OTOA: variants seen among roughly 807,000 people sequenced by gnomAD.
OTOA encodes otoancorin, also known as cancer/testis antigen 108.
In OTOA, 70 loss-of-function variants were observed where a neutral mutation model predicts 110.8. The ratio of observed to expected loss-of-function variants is 0.63; its 90% confidence interval spans 0.52 to 0.77. OTOA has a LOEUF of 0.77. Ranked by LOEUF, OTOA falls within the 30% of genes least tolerant of loss-of-function variation. OTOA has a pLI of 0.00. For missense variants in OTOA, 917 were observed against 1,075.8 expected (o/e 0.85, Z 2.06); for synonymous variants, 373 against 431.5 (o/e 0.86, Z 1.68).
intron 17 of OTOA, chr16:21,721,315 T>A (rs138612516): frequency 2.2e-4 from 100 of 454,568 alleles, no homozygotes; most frequent in African/African-American, 1.9e-3. Flanking sequence ...TTTCCCCAAA[T>A]TTTCCCCAGA....
Position 21,679,183 on chromosome 16 carries a change from G to A in OTOA, c.152-1G>A. On this transcript the variant is annotated splice_acceptor_variant, in intron 4 of 28. Coordinates refer to ENST00000646100, the MANE Select transcript of OTOA (RefSeq NM_144672.4). LOFTEE classifies it high-confidence loss of function. ...GTCTTTTCATTTTACTCCCATTGTA[G>A]CACTGCTGGATCTCATACAGTTTCA... The A allele has an allele frequency of 6.2e-7, 1 of 1,613,768 alleles. No homozygotes were observed. The highest frequency in any genetic ancestry group is 8.5e-7 in the Non-Finnish European group (1 of 1,179,906).
chr16:21,697,755 C>G lies in OTOA; in HGVS notation c.740-20C>G, dbSNP rs373381965. The G allele has an allele frequency of 6.2e-7, 1 of 1,607,860 alleles. No individual in the cohort carries two copies. The highest frequency in any genetic ancestry group is 1.3e-5 in the African/African-American group (1 of 74,768). ...TTATTTATGTATGTACTCATTTATT[C>G]ATTTCTTTATTTTTTGTAGATGACT... is the stretch of plus-strand genomic sequence containing the variant. On this transcript the variant is annotated intron_variant, in intron 9 of 28. Coordinates refer to ENST00000646100, the MANE Select transcript of OTOA (RefSeq NM_144672.4).
At position 21,666,677 on chromosome 16, in the gene OTOA, A is replaced by G. The variant is rs1749654495; in HGVS notation, c.-5+2445A>G. On this transcript the variant is annotated intron_variant, in intron 1 of 28. Transcript: ENST00000646100. Reference sequence around the variant, plus strand: ...TTTTCACCACAGGGATCCTTGCCTGACTGATTTCCTCCAGTCTGCAGTGGG... The same window carrying G: ...TTTTCACCACAGGGATCCTTGCCTGGCTGATTTCCTCCAGTCTGCAGTGGG... 2.0e-5 allele frequency among the ~76,000 whole-genome samples: 3 copies of G among 152,200 alleles called. No homozygotes were observed. The South Asian group carries it at 6.2e-4, about 32-fold the overall frequency.
In OTOA at chr16:21,728,340, T is replaced by G; in HGVS notation, c.2116T>G (p.Trp706Gly). ...CGACAGGGGGATCTCCCCCAGGGCT[T>G]GGGCGACTGCTCTACACGGCCTCAG... is the stretch of plus-strand genomic sequence containing the variant. ...IIDRGISPRA[W>G]ATALHGLRDC... The change falls in exon 20 of 29, where the codon TGG becomes GGG. Residue 706 changes from tryptophan (W) to glycine (G), a missense_variant. Coordinates refer to ENST00000646100, the MANE Select transcript of OTOA (RefSeq NM_144672.4). The G allele has an allele frequency of 6.2e-7, 1 of 1,614,046 alleles. No homozygotes were observed. Among genetic ancestry groups the G allele is most frequent in the Non-Finnish European group, 8.5e-7 (1 of 1,179,988 alleles).
chr16:21,706,795 G>C (rs933440767), intron 12 of OTOA, among the ~76,000 whole-genome samples: 4 of 149,890 alleles, frequency 2.7e-5, no homozygotes, highest in Admixed American at 6.6e-5. Context: ...ACATTTGAGA[G>C]TGTGGTCATC....
chr16:21,719,655 G>C, intron 17 of OTOA, 151 bp downstream of exon 17: 2 of 795,804 alleles, frequency 2.5e-6, no homozygotes. Context: ...GTTTTTTCCA[G>C]TTTCTTTTTA....
intron 1 of OTOA, among the ~76,000 whole-genome samples, chr16:21,666,767 G>A (rs1295234691): frequency 6.6e-6 from 1 of 152,004 alleles, no homozygotes; most frequent in African/African-American, 2.4e-5. Context: ...AATCATCATC[G>A]CCCTGCCCAG....
At chr16:21,664,580 C>T (rs150499803) in intron 1 of OTOA, among the ~76,000 whole-genome samples, 12 of 152,164 alleles carry the variant, frequency 7.9e-5, no homozygotes, top group Non-Finnish European at 1.0e-4. Flanking sequence ...ATAATAGCTA[C>T]GATTCATTGC....
intron 27 of OTOA, among the ~76,000 whole-genome samples, 177 bp from the exon 28 acceptor site, chr16:21,756,905 A>G (rs1900002530): frequency 7.3e-6 from 1 of 136,462 alleles, no homozygotes; most frequent in Non-Finnish European, 1.6e-5. Flanking sequence ...CTATTTTTAA[A>G]TGCATTTACT....
intron 17 of OTOA, chr16:21,721,559 A>G: frequency 2.2e-6 from 1 of 448,876 alleles, no homozygotes; most frequent in South Asian, 1.6e-5. Flanking sequence ...AACTATAAAG[A>G]ACAGTTTGCT....
rs145476696 is a variant in OTOA at position 21,705,582 on chromosome 16, G to A, written c.1104+290G>A. On this transcript the variant is annotated intron_variant, in intron 12 of 28. Coordinates refer to ENST00000646100, the MANE Select transcript of OTOA (RefSeq NM_144672.4). ...CCCAGCACTTTGGGAGGCCAAGATG[G>A]GAGGATCATTTGAGGCCAGGAGTTT... 5.0e-3 allele frequency: 2,161 copies of A among 435,824 alleles called. 15 individuals carry two copies. The highest frequency in any genetic ancestry group is 0.013 in the South Asian group (586 of 46,826). 27.0% of individuals were successfully genotyped at this position (435,824 alleles called of 1,614,324 possible).
At chr16:21,684,645 G>C in intron 6 of OTOA, 1 of 1,022,614 alleles carries the variant, frequency 9.8e-7, no homozygotes, top group Non-Finnish European at 1.5e-6. Flanking sequence ...TGCCTAAAAG[G>C]GGATGTGCGC....
intron 11 of OTOA, among the ~76,000 whole-genome samples, chr16:21,703,880 C>A (rs763396379): frequency 2.6e-5 from 4 of 152,162 alleles, no homozygotes; most frequent in Non-Finnish European, 4.4e-5. Flanking sequence ...CTTTCACAAT[C>A]ATCCTCTTTC....
At chr16:21,674,748 A>T (rs1413485723) in intron 1 of OTOA, among the ~76,000 whole-genome samples, 1 of 149,752 alleles carries the variant, frequency 6.7e-6, no homozygotes, top group African/African-American at 2.5e-5. Flanking sequence ...CCATGTGTTT[A>T]TTTGCTATCT....
intron 13 of OTOA, among the ~76,000 whole-genome samples, chr16:21,712,647 T>C (rs1898392334): frequency 6.6e-6 from 1 of 151,022 alleles, no homozygotes; most frequent in African/African-American, 2.4e-5. Flanking sequence ...AAGACCATCC[T>C]GGCTAACACG....
chr16:21,687,913 C>T (rs1485600751), intron 8 of OTOA, among the ~76,000 whole-genome samples: 1 of 152,024 alleles, frequency 6.6e-6, no homozygotes. Context: ...ATCCACCTGC[C>T]TTGGCCTCCC....
intron 9 of OTOA, among the ~76,000 whole-genome samples, chr16:21,695,131 C>T (rs528825460): frequency 1.3e-3 from 198 of 151,868 alleles, no homozygotes; most frequent in Non-Finnish European, 1.4e-3. Flanking sequence ...CAGGTGTGGT[C>T]GCTTACACCT....
intron 16 of OTOA, 49 bp downstream of exon 16, chr16:21,719,240 T>C: frequency 6.2e-7 from 1 of 1,608,156 alleles, no homozygotes; most frequent in Non-Finnish European, 8.5e-7. Context: ...TTTCAGAGCC[T>C]TCTGCCAGAG....
At position 21,709,916 on chromosome 16, in the gene OTOA, T is replaced by C; in HGVS notation, c.1133T>C (p.Met378Thr). 1 of 1,613,904 alleles carries C rather than the reference T, an allele frequency of 6.2e-7. No individual in the cohort carries two copies. The highest frequency in any genetic ancestry group is 8.5e-7 in the Non-Finnish European group (1 of 1,179,802). The change falls in exon 13 of 29, where the codon ATG becomes ACG. Residue 378 changes from methionine (M) to threonine (T), a missense_variant. Met to Thr is a moderately conservative substitution (Grantham distance 81). Around this residue, in one of 6 missense-constraint regions of OTOA, gnomAD observed 840 missense variants for 910.2 expected, o/e 0.92. Transcript: ENST00000646100. ...KLKAELLDIA[M>T]ENQTLNETLG... is the part of the protein sequence containing the mutation. ...AAAGCAGAACTCCTGGACATTGCCA[T>C]GGAGAACCAGACCCTCAATGAGACC...
Sources: allele counts gnomAD v4.1 joint callset (sites outside exome capture counted in the v4.1 genomes callset), GRCh38; gene constraint gnomAD v4.1.1; regional missense constraint gnomAD v4.1.1; transcripts MANE v1.5; gene names NCBI Gene and HGNC (gene_info 2026-07-23, HGNC 2026-07-21).